FOXO1: variants seen among roughly 807,000 people sequenced by gnomAD.
The protein encoded by FOXO1 is forkhead box protein O1.
Under a neutral mutation model 44.1 loss-of-function variants are expected in FOXO1, and 6 were observed. That is an observed-to-expected ratio of 0.14 (90% CI 0.07 to 0.27). FOXO1 has a LOEUF of 0.27. Among genes scored for constraint, FOXO1 ranks in the 10% least tolerant of loss-of-function variants. The pLI is 1.00. For synonymous variants in FOXO1, 380 were observed against 362.7 expected, an observed-to-expected ratio of 1.05 and a Z score of -0.54; for missense variants, 737 against 888.8, an observed-to-expected ratio of 0.83 and a Z score of 2.17.
rs144776359 is a variant in FOXO1, at chr13:40,560,285, C to A, written c.1206G>T (p.Thr402=). The part of the protein sequence containing the change: ...QSSPGTMMQQ[T]PCYSFAPPNT... Reference sequence around the variant, plus strand: ...TTGGTGGCGCAAACGAGTAGCACGGCGTCTGCTGCATCATGGTGCCAGGTG... The same window carrying A: ...TTGGTGGCGCAAACGAGTAGCACGGAGTCTGCTGCATCATGGTGCCAGGTG... Residue 402 remains threonine (T), a synonymous_variant, in exon 2 of 3, where the codon ACG becomes ACT. Coordinates refer to ENST00000379561, the MANE Select transcript of FOXO1 (RefSeq NM_002015.4). This position sits in a 1 kb window ranked among gnomAD's most constrained non-coding sequence, Gnocchi z 5.1. 1 of 1,614,102 alleles carries A rather than the reference C, an allele frequency of 6.2e-7. No homozygotes were observed. Among genetic ancestry groups the A allele is most frequent in the East Asian group, 2.2e-5 (1 of 44,866 alleles).
intron 1 of FOXO1, among the ~76,000 whole-genome samples, chr13:40,565,112 T>C (rs1874216801): frequency 6.6e-6 from 1 of 152,150 alleles, no homozygotes; most frequent in Non-Finnish European, 1.5e-5. Context: ...TAACTGTTTG[T>C]TGCTTGACCC....
At position 40,557,188 on chromosome 13, in the gene FOXO1, T is replaced by C. The variant is rs932277882; in HGVS notation, c.*1861A>G. 2.0e-5 allele frequency: 3 copies of C among 152,194 alleles called. No homozygotes were observed. The highest frequency in any genetic ancestry group is 7.2e-5 in the African/African-American group (3 of 41,440). The allele number at this position is 152,194 out of a possible 1,614,324, so 9.4% of individuals were successfully genotyped here. On this transcript the variant is annotated 3_prime_UTR_variant, in exon 3 of 3. Transcript: ENST00000379561. ...CAAAGCAAGTGTGATGTGGGCTATA[T>C]ACAGAAAAATTAGATCCTTCTCAAG...
chr13:40,641,395 C>G (rs1877348427), intron 1 of FOXO1, among the ~76,000 whole-genome samples: 1 of 151,074 alleles, frequency 6.6e-6, no homozygotes, highest in South Asian at 2.1e-4. Flanking sequence ...TGACATAAAT[C>G]TCATTATATC....
chr13:40,585,210 A>G (rs952556319), intron 1 of FOXO1, among the ~76,000 whole-genome samples: 1 of 152,246 alleles, frequency 6.6e-6, no homozygotes, highest in Admixed American at 6.5e-5. Flanking sequence ...ATTTTAAGTC[A>G]TCATTGTTTT....
At chr13:40,622,890 A>C (rs1298648710) in intron 1 of FOXO1, among the ~76,000 whole-genome samples, 4 of 152,204 alleles carry the variant, frequency 2.6e-5, no homozygotes, top group Admixed American at 1.3e-4. Flanking sequence ...TCTGTAAGTA[A>C]GAAACAACTC....
intron 1 of FOXO1, among the ~76,000 whole-genome samples, chr13:40,663,642 T>C (rs890000289): frequency 6.6e-6 from 1 of 152,246 alleles, no homozygotes; most frequent in Admixed American, 6.5e-5. Flanking sequence ...GCAGACAATT[T>C]CGATTTTGTG....
At chr13:40,643,854 C>T (rs7139990) in intron 1 of FOXO1, among the ~76,000 whole-genome samples, 14,806 of 152,182 alleles carry the variant, frequency 0.097, 917 homozygotes, top group East Asian at 0.24. Context: ...CCTTTGAGCA[C>T]CTCAACTTGT....
At chr13:40,620,339 T>C in intron 1 of FOXO1, 2 of 772,566 alleles carry the variant, frequency 2.6e-6, no homozygotes, top group East Asian at 2.6e-5. Context: ...AAAGCAATAG[T>C]GGGGGCTTCT....
In FOXO1 at chr13:40,655,637, CT is replaced by C. The variant is rs774180443; in HGVS notation, c.630+9945del. Among the ~76,000 whole-genome samples, 306 of 101,280 alleles carry C rather than the reference CT, an allele frequency of 3.0e-3. 2 individuals carry two copies. In the East Asian group the frequency reaches 0.051, roughly 17 times the overall value. 66.4% of individuals were successfully genotyped at this position (101,280 alleles called of 152,430 possible). A position where few individuals can be genotyped will look rare whatever the true frequency, so the allele number is the denominator to read the frequency against. On this transcript the variant is annotated intron_variant, in intron 1 of 2. Coordinates refer to ENST00000379561, the MANE Select transcript of FOXO1 (RefSeq NM_002015.4). Reference sequence around the variant, plus strand: ...ATTAGTAAAATAGTTTTCTACACTTCTTTTTTTTTTTTTTTTTTTTTGGCAG... The same window carrying C: ...ATTAGTAAAATAGTTTTCTACACTTCTTTTTTTTTTTTTTTTTTTTGGCAG...
At chr13:40,579,328 T>C (rs1276624921) in intron 1 of FOXO1, among the ~76,000 whole-genome samples, 1 of 152,144 alleles carries the variant, frequency 6.6e-6, no homozygotes, top group East Asian at 1.9e-4. Context: ...CTTTGATGGA[T>C]GAAGGAGGAG....
chr13:40,628,062 C>T (rs1026076448), intron 1 of FOXO1, among the ~76,000 whole-genome samples: 1 of 151,996 alleles, frequency 6.6e-6, no homozygotes, highest in Non-Finnish European at 1.5e-5. Flanking sequence ...TACATATATA[C>T]ATACATAAAG....
chr13:40,570,439 A>G (rs1429055538), intron 1 of FOXO1, among the ~76,000 whole-genome samples: 1 of 152,170 alleles, frequency 6.6e-6, no homozygotes, highest in Non-Finnish European at 1.5e-5. Flanking sequence ...AGGAACAAAG[A>G]AGGAAGAAGG....
chr13:40,666,178 G>T lies in FOXO1; in HGVS notation c.35C>A (p.Pro12Gln), dbSNP rs773597669. The change falls in exon 1 of 3, where the codon CCG becomes CAG. Residue 12 changes from proline to glutamine, a missense_variant. Around this residue, in one of 7 missense-constraint regions of FOXO1, gnomAD observed 213 missense variants for 236.4 expected, o/e 0.90. Coordinates refer to ENST00000379561, the MANE Select transcript of FOXO1 (RefSeq NM_002015.4). ...AEAPQVVEIDPDFEPLPRPRS... is the reference protein window; with the variant it reads ...AEAPQVVEIDQDFEPLPRPRS... ...CGGCCGGGGCAGCGGCTCGAAGTCC[G>T]GGTCGATCTCCACCACCTGAGGCGC... 1.7e-4 allele frequency: 246 copies of T among 1,456,894 alleles called. 1 individual carries two copies. Among genetic ancestry groups the T allele is most frequent in the Non-Finnish European group, 3.2e-5 (35 of 1,107,362 alleles). 90.2% of individuals were successfully genotyped at this position (1,456,894 alleles called of 1,614,324 possible).
chr13:40,580,286 G>C (rs1229221042), intron 1 of FOXO1, among the ~76,000 whole-genome samples: 1 of 152,070 alleles, frequency 6.6e-6, no homozygotes, highest in Non-Finnish European at 1.5e-5. Context: ...CAAATAATAA[G>C]TTGTAGTTTG....
intron 1 of FOXO1, among the ~76,000 whole-genome samples, chr13:40,587,932 AG>A (rs1171649784): frequency 1.3e-5 from 2 of 152,194 alleles, no homozygotes; most frequent in African/African-American, 4.8e-5. Context: ...GTAAACTTTA[AG>A]GCCTTTCATG....
intron 1 of FOXO1, among the ~76,000 whole-genome samples, chr13:40,571,884 A>G (rs1253974558): frequency 6.6e-6 from 1 of 152,242 alleles, no homozygotes. Context: ...GTTAAAACCA[A>G]AAACAAAGAA....
At chr13:40,648,569 A>G (rs1877580586) in intron 1 of FOXO1, among the ~76,000 whole-genome samples, 1 of 152,214 alleles carries the variant, frequency 6.6e-6, no homozygotes, top group Non-Finnish European at 1.5e-5. Context: ...AATCATTAAT[A>G]CTTTCTTAGT....
At chr13:40,574,769 C>T (rs1380490806) in intron 1 of FOXO1, among the ~76,000 whole-genome samples, 1 of 152,012 alleles carries the variant, frequency 6.6e-6, no homozygotes, top group Non-Finnish European at 1.5e-5. Flanking sequence ...CTTAGAACTG[C>T]TGTTGACTGA....
chr13:40,556,735 A>G lies in FOXO1; in HGVS notation c.*2314T>C, dbSNP rs979484751. 6 of 152,126 alleles carry G rather than the reference A, an allele frequency of 3.9e-5. No homozygotes were observed. Among genetic ancestry groups the G allele is most frequent in the Non-Finnish European group, 5.9e-5 (4 of 68,020 alleles). The allele number at this position is 152,126 out of a possible 1,614,324, so 9.4% of individuals were successfully genotyped here. On this transcript the variant is annotated 3_prime_UTR_variant, in exon 3 of 3. Transcript: ENST00000379561. ...TTACCCAGACTCAGGAGGAAGATATATTTTCCTAAGAGCTACTCCATGAAG... is the reference window on the plus strand; with the variant it reads ...TTACCCAGACTCAGGAGGAAGATATGTTTTCCTAAGAGCTACTCCATGAAG...
Sources: allele counts gnomAD v4.1 joint callset (sites outside exome capture counted in the v4.1 genomes callset), GRCh38; gene constraint gnomAD v4.1.1; regional missense constraint gnomAD v4.1.1; non-coding constraint Gnocchi (gnomAD v3.1); transcripts MANE v1.5; gene names NCBI Gene and HGNC (gene_info 2026-07-23, HGNC 2026-07-21).